The following MEIKIN variants were observed in gnomAD, a reference collection of about 807,000 sequenced individuals.
The protein encoded by MEIKIN is meiosis-specific kinetochore protein.
At chr5:131,812,218 AT>A (rs1772971271) in intron 12 of MEIKIN, among the ~76,000 whole-genome samples, 1 of 152,184 alleles carries the variant, frequency 6.6e-6, no homozygotes, top group Non-Finnish European at 1.5e-5. Context: ...ATAACATGTA[AT>A]ATGTAACAGT....
intron 10 of MEIKIN, among the ~76,000 whole-genome samples, chr5:131,854,016 G>C (rs1750155468): frequency 6.6e-6 from 1 of 152,146 alleles, no homozygotes; most frequent in African/African-American, 2.4e-5. Flanking sequence ...ATTGAAAGCA[G>C]GGACTCAAAC....
At chr5:131,926,259 T>C (rs902068272) in intron 5 of MEIKIN, among the ~76,000 whole-genome samples, 1 of 152,202 alleles carries the variant, frequency 6.6e-6, no homozygotes. Context: ...ATGTTGAATT[T>C]TGTCAAATCA....
At chr5:131,840,058 T>C (rs1305658088) in intron 11 of MEIKIN, among the ~76,000 whole-genome samples, 1 of 152,132 alleles carries the variant, frequency 6.6e-6, no homozygotes, top group Non-Finnish European at 1.5e-5. Flanking sequence ...TGGTGATAAA[T>C]TCCCTCTGGT....
At chr5:131,856,288 T>C (rs1451262816) in intron 9 of MEIKIN, among the ~76,000 whole-genome samples, 1 of 152,210 alleles carries the variant, frequency 6.6e-6, no homozygotes, top group Non-Finnish European at 1.5e-5. Context: ...TAGGAGCTAC[T>C]CAATGATAAC....
intron 12 of MEIKIN, among the ~76,000 whole-genome samples, chr5:131,813,041 A>C (rs1281388971): frequency 6.6e-6 from 1 of 152,232 alleles, no homozygotes; most frequent in African/African-American, 2.4e-5. Flanking sequence ...GCAGCACTCC[A>C]TTATCAAATG....
intron 8 of MEIKIN, among the ~76,000 whole-genome samples, chr5:131,887,579 G>T (rs1012609251): frequency 6.6e-6 from 1 of 152,106 alleles, no homozygotes; most frequent in Admixed American, 6.5e-5. Flanking sequence ...GCATTTATCT[G>T]ATGACCAGCG....
chr5:131,905,709 G>T (rs950262426), intron 8 of MEIKIN, among the ~76,000 whole-genome samples: 1 of 151,930 alleles, frequency 6.6e-6, no homozygotes. Context: ...CAGACCAATA[G>T]AGAAACAAAA....
intron 3 of MEIKIN, among the ~76,000 whole-genome samples, chr5:131,942,950 A>G (rs1311799411): frequency 6.6e-6 from 1 of 152,126 alleles, no homozygotes; most frequent in East Asian, 1.9e-4. Flanking sequence ...CTACTGTGGG[A>G]TGACAGCAAA....
At chr5:131,851,455 A>G (rs1580872325) in intron 10 of MEIKIN, 72 bp from the exon 11 acceptor site, 5 of 394,004 alleles carry the variant, frequency 1.3e-5, no homozygotes, top group Non-Finnish European at 2.2e-5. Context: ...GTAATTAAAG[A>G]AAAGTTGAAA....
intron 4 of MEIKIN, among the ~76,000 whole-genome samples, chr5:131,936,807 G>T (rs1751786378): frequency 6.6e-6 from 1 of 152,044 alleles, no homozygotes; most frequent in African/African-American, 2.4e-5. Flanking sequence ...CTGACCTCAA[G>T]TAATCCTCCC....
At chr5:131,857,560 C>T (rs1418921461) in intron 9 of MEIKIN, among the ~76,000 whole-genome samples, 3 of 152,178 alleles carry the variant, frequency 2.0e-5, no homozygotes, top group Admixed American at 6.5e-5. Context: ...GTGGCACAGC[C>T]TCGCATGCCT....
chr5:131,876,400 C>T (rs1054388419), intron 9 of MEIKIN, among the ~76,000 whole-genome samples: 3 of 151,076 alleles, frequency 2.0e-5, no homozygotes, highest in Non-Finnish European at 4.4e-5. Flanking sequence ...AAAAAATGCT[C>T]ATCATCACTG....
chr5:131,841,332 T>C (rs1463601315), intron 11 of MEIKIN, among the ~76,000 whole-genome samples: 1 of 152,122 alleles, frequency 6.6e-6, no homozygotes, highest in Non-Finnish European at 1.5e-5. Flanking sequence ...CCATTCTCAT[T>C]CTCATGTGCC....
chr5:131,845,494 T>C (rs1191808644), intron 11 of MEIKIN, among the ~76,000 whole-genome samples: 4 of 151,022 alleles, frequency 2.6e-5, no homozygotes, highest in Non-Finnish European at 4.4e-5. Context: ...TCAAAAACTT[T>C]AAAACAATTC....
At chr5:131,897,217 C>G (rs1751067914) in intron 8 of MEIKIN, among the ~76,000 whole-genome samples, 2 of 152,240 alleles carry the variant, frequency 1.3e-5, no homozygotes, top group South Asian at 2.1e-4. Context: ...AGCCCTCACT[C>G]TCTTCTGGCT....
At chr5:131,911,185 T>C (rs1046212063) in intron 8 of MEIKIN, among the ~76,000 whole-genome samples, 9 of 152,126 alleles carry the variant, frequency 5.9e-5, no homozygotes, top group African/African-American at 1.7e-4. Context: ...TAACTTAATG[T>C]GTGGCATTTA....
intron 9 of MEIKIN, among the ~76,000 whole-genome samples, chr5:131,856,320 A>G (rs1158209321): frequency 6.6e-6 from 1 of 152,212 alleles, no homozygotes; most frequent in Non-Finnish European, 1.5e-5. Flanking sequence ...TCATTGTGGC[A>G]GTCCTGAAGG....
chr5:131,853,052 GGTTAAATCT>G (rs997291855), intron 10 of MEIKIN, among the ~76,000 whole-genome samples: 3 of 152,010 alleles, frequency 2.0e-5, no homozygotes, highest in Non-Finnish European at 4.4e-5. Flanking sequence ...AGCATCTATT[GGTTAAATCT>G]GTAACTCCTT....
intron 8 of MEIKIN, among the ~76,000 whole-genome samples, chr5:131,885,320 C>CT (rs1236050453): frequency 7.3e-6 from 1 of 137,128 alleles, no homozygotes; most frequent in Non-Finnish European, 1.5e-5. Flanking sequence ...CCACCCCCAG[C>CT]TGCAGGCCAC....
Sources: gnomAD v4.1 joint callset for allele counts (sites outside exome capture counted in the v4.1 genomes callset) on GRCh38, gnomAD v4.1.1 for gene constraint, MANE v1.5 for transcripts, NCBI Gene and HGNC (gene_info 2026-07-23, HGNC 2026-07-21) for gene names.